Variants in CDH23 observed in about 807,000 individuals in gnomAD.
CDH23 encodes cadherin-23.
CDH23 carries 189 observed loss-of-function variants against 317.1 expected under a neutral mutation model. The observed-to-expected ratio is 0.60, with a 90% confidence interval of 0.53 to 0.67. CDH23 has a LOEUF of 0.67. Ranked by LOEUF, CDH23 falls within the 30% of genes least tolerant of loss-of-function variation. CDH23 has a pLI of 0.00. For missense variants in CDH23, 4,401 were observed against 4,592.4 expected, an observed-to-expected ratio of 0.96 and a Z score of 1.20; for synonymous variants, 1,839 against 1,876.8, an observed-to-expected ratio of 0.98 and a Z score of 0.52.
chr10:71,741,641 C>A (rs1839735354), intron 37 of CDH23, 53 bp from the exon 38 acceptor site: 28 of 1,502,348 alleles, frequency 1.9e-5, no homozygotes, highest in South Asian at 1.7e-4. Context: ...AGGTGCCAGA[C>A]TGTGCCCCAA....
At position 71,691,357 on chromosome 10, in the gene CDH23, G is replaced by A. The variant is rs150877629; in HGVS notation, c.2176+773G>A. On this transcript the variant is annotated intron_variant, in intron 20 of 69. Transcript: ENST00000224721. ...TCATTCAGAAATTGGGGTGGGGGCT[G>A]CTCTGAGCCAGGTGCTGGGGTACAG... 6.2e-3 allele frequency among the ~76,000 whole-genome samples: 946 copies of A among 152,330 alleles called. 6 individuals are homozygous for A. Among genetic ancestry groups the A allele is most frequent in the Middle Eastern group, 0.041 (12 of 294 alleles).
intron 6 of CDH23, among the ~76,000 whole-genome samples, chr10:71,526,095 G>A (rs967383257): frequency 1.3e-5 from 2 of 152,222 alleles, no homozygotes; most frequent in African/African-American, 4.8e-5. Flanking sequence ...CCTCTGCATC[G>A]CTGAGGGGGT....
chr10:71,784,474 A>T, intron 42 of CDH23, 54 bp downstream of exon 42: 3 of 1,581,460 alleles, frequency 1.9e-6, no homozygotes, highest in Middle Eastern at 1.7e-4. Flanking sequence ...TGTACTTGCC[A>T]CAGAGATTCT....
chr10:71,446,598 A>G (rs1393064578), intron 3 of CDH23, among the ~76,000 whole-genome samples: 2 of 152,208 alleles, frequency 1.3e-5, no homozygotes, highest in African/African-American at 4.8e-5. Context: ...CAAAGGGTTT[A>G]TCACATTGAG....
chr10:71,551,500 T>C (rs1856595249), intron 6 of CDH23, among the ~76,000 whole-genome samples: 1 of 152,176 alleles, frequency 6.6e-6, no homozygotes, highest in African/African-American at 2.4e-5. Context: ...CGGTTGGTTA[T>C]CCACTTCAGT....
At chr10:71,776,356 C>A (rs1840816880) in intron 38 of CDH23, among the ~76,000 whole-genome samples, 1 of 152,206 alleles carries the variant, frequency 6.6e-6, no homozygotes. Flanking sequence ...AAGGAAAAAA[C>A]CATATGCAAA....
intron 34 of CDH23, among the ~76,000 whole-genome samples, chr10:71,734,870 T>C (rs539967394): frequency 6.6e-6 from 1 of 152,342 alleles, no homozygotes; most frequent in East Asian, 1.9e-4. Context: ...CTCTGTGTCT[T>C]GCCTAGCCCC....
intron 8 of CDH23, among the ~76,000 whole-genome samples, chr10:71,575,176 T>C (rs1325906577): frequency 1.3e-5 from 2 of 152,108 alleles, no homozygotes; most frequent in Non-Finnish European, 2.9e-5. Flanking sequence ...GTAGAGATGA[T>C]TAATATGGGG....
chr10:71,710,321 C>T, intron 27 of CDH23, among the ~76,000 whole-genome samples: 1 of 152,246 alleles, frequency 6.6e-6, no homozygotes, highest in African/African-American at 2.4e-5. Flanking sequence ...AGTGCCCATT[C>T]CTGAGCCCCT....
intron 3 of CDH23, 78 bp from the exon 4 acceptor site, chr10:71,510,004 C>T: frequency 6.4e-7 from 1 of 1,567,316 alleles, no homozygotes; most frequent in Non-Finnish European, 8.8e-7. Flanking sequence ...GCTGAGAGTT[C>T]AGCCACCTGG....
intron 14 of CDH23, among the ~76,000 whole-genome samples, chr10:71,670,608 C>T (rs188879711): frequency 6.6e-6 from 1 of 152,200 alleles, no homozygotes; most frequent in African/African-American, 2.4e-5. Context: ...ATAGAGGAAC[C>T]AGCAATGAGA....
At chr10:71,789,666 C>T (rs954469807) in intron 45 of CDH23, among the ~76,000 whole-genome samples, 10 of 152,168 alleles carry the variant, frequency 6.6e-5, no homozygotes, top group African/African-American at 1.9e-4. Context: ...CACACATGTG[C>T]CCGTGTGTGT....
At chr10:71,701,045 C>G (rs972223550) in intron 22 of CDH23, among the ~76,000 whole-genome samples, 1 of 152,172 alleles carries the variant, frequency 6.6e-6, no homozygotes, top group African/African-American at 2.4e-5. Context: ...TCACCTCTCT[C>G]CCCCCACCAC....
At chr10:71,582,130 T>C (rs1234913380) in intron 9 of CDH23, among the ~76,000 whole-genome samples, 2 of 152,064 alleles carry the variant, frequency 1.3e-5, no homozygotes, top group African/African-American at 4.8e-5. Context: ...GACCCAGGGG[T>C]CCTTGGGACT....
At chr10:71,780,372 G>A (rs1410522418) in intron 41 of CDH23, among the ~76,000 whole-genome samples, 3 of 152,180 alleles carry the variant, frequency 2.0e-5, no homozygotes, top group East Asian at 1.9e-4. Context: ...AAACCAAGCC[G>A]GAGGATGGGG....
At chr10:71,440,966 T>C (rs977669566) in intron 2 of CDH23, among the ~76,000 whole-genome samples, 1 of 152,070 alleles carries the variant, frequency 6.6e-6, no homozygotes. Flanking sequence ...GCAGCCTGAG[T>C]ATCCCTCGAG....
chr10:71,612,718 T>C (rs929442275), intron 9 of CDH23, among the ~76,000 whole-genome samples: 1 of 152,194 alleles, frequency 6.6e-6, no homozygotes, highest in African/African-American at 2.4e-5. Context: ...AGGTCTTGCC[T>C]CAGGGCAGCC....
intron 11 of CDH23, 80 bp from the exon 12 acceptor site, chr10:71,643,781 G>C: frequency 1.3e-6 from 1 of 758,650 alleles, no homozygotes; most frequent in South Asian, 1.4e-5. Flanking sequence ...TTTTCTCTCT[G>C]GTTCCTTCCT....
chr10:71,668,116 G>T (rs1055039776), intron 14 of CDH23, among the ~76,000 whole-genome samples: 3 of 152,112 alleles, frequency 2.0e-5, no homozygotes, highest in Non-Finnish European at 2.9e-5. Flanking sequence ...TGAGGGTCTA[G>T]GCTCAGGGGC....
Sources: gnomAD v4.1 joint callset for allele counts (sites outside exome capture counted in the v4.1 genomes callset) on GRCh38, gnomAD v4.1.1 for gene constraint, MANE v1.5 for transcripts, NCBI Gene and HGNC (gene_info 2026-07-23, HGNC 2026-07-21) for gene names.